The following SMIM22 variants were observed in gnomAD, a reference collection of about 807,000 sequenced individuals.
SMIM22 encodes the protein cancer associated small integral membrane open reading frame 1.
SMIM22 carries 16 observed loss-of-function variants against 8.4 expected under a neutral mutation model. The ratio of observed to expected loss-of-function variants is 1.90; its 90% CI spans 1.29 to 2.89. SMIM22 has a LOEUF of 2.89. Among genes scored for constraint, SMIM22 ranks in the 30% most tolerant of loss-of-function variants. The pLI is 0.00. For missense variants in SMIM22, 159 were observed against 107.5 expected (o/e 1.48, Z -2.12); for synonymous variants, 67 against 47.6 (o/e 1.41, Z -1.68).
chr16:4,788,524 C>G (rs1020796546), exon 1 of SMIM22: 2 of 152,158 alleles, frequency 1.3e-5, no homozygotes, highest in Non-Finnish European at 2.9e-5. Context: ...GGCCCAAGGC[C>G]CCCTCGTCAG....
upstream of SMIM22, among the ~76,000 whole-genome samples, chr16:4,792,433 G>A (rs1280876958): frequency 2.7e-5 from 4 of 150,536 alleles, no homozygotes; most frequent in African/African-American, 7.3e-5. Context: ...CTCGTGATCT[G>A]CCCCCCTCGG....
At chr16:4,792,896 G>A (rs1295201429), upstream of SMIM22, among the ~76,000 whole-genome samples, 3 of 151,472 alleles carry the variant, frequency 2.0e-5, no homozygotes, top group Non-Finnish European at 4.4e-5. Flanking sequence ...AATCACCTGA[G>A]GTCAGGAGTT....
At chr16:4,793,206 G>A (rs572913679), upstream of SMIM22, among the ~76,000 whole-genome samples, 3 of 151,414 alleles carry the variant, frequency 2.0e-5, no homozygotes, top group South Asian at 4.2e-4. Flanking sequence ...GAGACCACAA[G>A]CCCAGGAATG....
chr16:4,789,913 CTTTT>C (rs200769927), intron 2 of SMIM22: 3 of 144,452 alleles, frequency 2.1e-5, no homozygotes, highest in Non-Finnish European at 4.5e-5. Context: ...TCTTTTCTTT[CTTTT>C]TTTTTTTTCT....
chr16:4,790,727 T>G (rs573076686), upstream of SMIM22, among the ~76,000 whole-genome samples: 1 of 152,148 alleles, frequency 6.6e-6, no homozygotes. Flanking sequence ...AGGTGGAGGT[T>G]GCAGTGAGCC....
At chr16:4,794,157 G>A (rs1412968054), upstream of SMIM22, among the ~76,000 whole-genome samples, 2 of 152,156 alleles carry the variant, frequency 1.3e-5, no homozygotes, top group East Asian at 3.9e-4. Context: ...ACCCAGGCTG[G>A]AGTGCAGTGG....
upstream of SMIM22, among the ~76,000 whole-genome samples, chr16:4,791,944 C>A (rs2082557125): frequency 6.6e-6 from 1 of 152,178 alleles, no homozygotes; most frequent in African/African-American, 2.4e-5. Flanking sequence ...ACCTCGGCCT[C>A]CCAAAGTGCT....
In SMIM22 at chr16:4,795,991, C is replaced by T; in HGVS notation, c.168C>T (p.Cys56=). 2.0e-6 allele frequency: 3 copies of T among 1,507,986 alleles called. No individual in the cohort carries two copies. The allele number at this position is 1,507,986 out of a possible 1,614,324, so 93.4% of individuals were successfully genotyped here. A position where few individuals can be genotyped will look rare whatever the true frequency, so the allele number is the denominator to read the frequency against. The change falls in exon 3 of 4, where the codon TGC becomes TGT. Residue 56 remains cysteine, a synonymous_variant. Coordinates refer to ENST00000586005, the MANE Select transcript of SMIM22 (RefSeq NM_001253794.2). ...TGCTGCTGGTCGTCGCCCACTGCTG[C>T]TGCTGCAGCTCCCCCGGGCCCCGCA... ...LLLLLVVAHC[C]CCSSPGPRRE...
upstream of SMIM22, among the ~76,000 whole-genome samples, chr16:4,793,130 A>AAG (rs2082578574): frequency 6.0e-5 from 9 of 148,800 alleles, no homozygotes; most frequent in South Asian, 8.6e-4. Flanking sequence ...AAAAAAAAAA[A>AAG]GGGAGGGAGG....
At chr16:4,795,915 G>C (rs750055054) in intron 2 of SMIM22, 33 bp from the exon 3 acceptor site, 2 of 1,528,216 alleles carry the variant, frequency 1.3e-6, no homozygotes, top group South Asian at 2.4e-5. Context: ...GCTCCAGGTT[G>C]GGGCCACACC....
intron 1 of SMIM22, chr16:4,788,721 C>A (rs1205032367): frequency 6.6e-6 from 1 of 152,208 alleles, no homozygotes; most frequent in Non-Finnish European, 1.5e-5. Flanking sequence ...CACATGGCAT[C>A]GTTCTAGGAG....
chr16:4,794,272 T>C (rs1214462420), upstream of SMIM22, among the ~76,000 whole-genome samples: 1 of 151,878 alleles, frequency 6.6e-6, no homozygotes, highest in Non-Finnish European at 1.5e-5. Flanking sequence ...CATGGCCGGC[T>C]AATTTTTTGT....
At position 4,795,960 on chromosome 16, in the gene SMIM22, TCCTGCTGCTGCTGGTCGTCG is replaced by T; in HGVS notation, c.140_159del (p.Leu47ProfsTer30). 6.6e-7 allele frequency: 1 copy of T among 1,508,300 alleles called. No individual in the cohort carries two copies. The highest frequency in any genetic ancestry group is 8.8e-7 in the Non-Finnish European group (1 of 1,132,448). 93.4% of individuals were successfully genotyped at this position (1,508,300 alleles called of 1,614,324 possible). On this transcript the variant is annotated frameshift_variant, in exon 3 of 4. Transcript: ENST00000586005. LOFTEE classifies it high-confidence loss of function. ...GTCCTGTCCCCAGGCACCGTGCTGCTCCTGCTGCTGCTGGTCGTCGCCCACTGCTGCTGCTGCAGCTCCCC... is the reference window on the plus strand; with the variant it reads ...GTCCTGTCCCCAGGCACCGTGCTGCTCCCACTGCTGCTGCTGCAGCTCCCC...
chr16:4,794,136 C>T (rs1278547854), upstream of SMIM22, among the ~76,000 whole-genome samples: 3 of 152,164 alleles, frequency 2.0e-5, no homozygotes, highest in East Asian at 5.8e-4. Flanking sequence ...GAGATGGAGT[C>T]TTGCTCTGTC....
At chr16:4,795,594 G>T in intron 1 of SMIM22, 121 bp from the exon 2 acceptor site, 1 of 1,218,256 alleles carries the variant, frequency 8.2e-7, no homozygotes, top group South Asian at 1.5e-5. Context: ...TGGAGTGGGA[G>T]GGGGTGGGGA....
At chr16:4,789,296 C>T (rs2082510898) in intron 2 of SMIM22, among the ~76,000 whole-genome samples, 1 of 151,964 alleles carries the variant, frequency 6.6e-6, no homozygotes, top group Non-Finnish European at 1.5e-5. Context: ...AGTGAGCCAC[C>T]ATGCCTGGCC....
upstream of SMIM22, among the ~76,000 whole-genome samples, chr16:4,792,535 A>C (rs12932656): frequency 1 from 149,093 of 149,100 alleles, 74,543 homozygotes; most frequent in Middle Eastern, 1. Context: ...GGCGCGGTGG[A>C]TCATGCCTGT....
intron 2 of SMIM22, among the ~76,000 whole-genome samples, chr16:4,789,631 T>A (rs1338596884): frequency 6.6e-6 from 1 of 152,166 alleles, no homozygotes; most frequent in East Asian, 1.9e-4. Flanking sequence ...CAGCCCTTTT[T>A]AAAATTTTTT....
chr16:4,791,507 T>C (rs1347753072), upstream of SMIM22, among the ~76,000 whole-genome samples: 2 of 152,176 alleles, frequency 1.3e-5, no homozygotes, highest in Non-Finnish European at 2.9e-5. Context: ...ATACCCATTT[T>C]ACAGATGAGT....
Sources: gnomAD v4.1 joint callset for allele counts (sites outside exome capture counted in the v4.1 genomes callset) on GRCh38, gnomAD v4.1.1 for gene constraint, MANE v1.5 for transcripts, NCBI Gene and HGNC (gene_info 2026-07-23, HGNC 2026-07-21) for gene names.